The following ZNF93 variants were observed in gnomAD, a reference collection of about 807,000 sequenced individuals.
ZNF93 encodes zinc finger protein 93.
A neutral mutation model predicts 45.0 loss-of-function variants in ZNF93; 29 were observed. The ratio of observed to expected loss-of-function variants is 0.64; its 90% CI spans 0.48 to 0.88. ZNF93 has a LOEUF of 0.88. Among genes scored for constraint, ZNF93 ranks in the 40% least tolerant of loss-of-function variants. The probability of loss-of-function intolerance (pLI) is 0.00; values close to 1 mark genes in which losing one functional copy is unlikely to be tolerated. For synonymous variants in ZNF93, 223 were observed against 244.6 expected (o/e 0.91, Z 0.82); for missense variants, 578 against 724.0 (o/e 0.80, Z 2.31).
At chr19:19,926,772 A>C (rs2063357416) in intron 3 of ZNF93, among the ~76,000 whole-genome samples, 1 of 152,180 alleles carries the variant, frequency 6.6e-6, no homozygotes, top group Non-Finnish European at 1.5e-5. Flanking sequence ...TTAATTAAGA[A>C]ATAAATTATG....
At chr19:19,904,272 A>G (rs1342561343) in intron 1 of ZNF93, among the ~76,000 whole-genome samples, 1 of 152,114 alleles carries the variant, frequency 6.6e-6, no homozygotes, top group East Asian at 1.9e-4. Flanking sequence ...TATTAATCAC[A>G]AATATTTTCC....
rs572686695 is a variant in ZNF93 at position 19,929,095 on chromosome 19, A to G, written c.227-4087A>G. On this transcript the variant is annotated intron_variant, in intron 3 of 3. Transcript: ENST00000343769. Reference sequence around the variant, plus strand: ...CATCCTCTCGGTAACCAAAAAGTTTACACTGTATCAATTCAAATAAGAGCT... The same window carrying G: ...CATCCTCTCGGTAACCAAAAAGTTTGCACTGTATCAATTCAAATAAGAGCT... Among the ~76,000 whole-genome samples the G allele has an allele frequency of 3.4e-3, 516 of 152,300 alleles. 2 individuals are homozygous for G. Among genetic ancestry groups the G allele is most frequent in the Non-Finnish European group, 4.4e-3 (302 of 68,024 alleles).
chr19:19,918,024 A>G (rs1435248137), intron 3 of ZNF93, among the ~76,000 whole-genome samples: 1 of 151,208 alleles, frequency 6.6e-6, no homozygotes, highest in African/African-American at 2.4e-5. Context: ...ACATGTATAC[A>G]TGTGCCATGT....
intron 1 of ZNF93, among the ~76,000 whole-genome samples, chr19:19,913,536 A>G (rs1198354061): frequency 6.6e-6 from 1 of 152,182 alleles, no homozygotes; most frequent in African/African-American, 2.4e-5. Context: ...AGTGTGGTGC[A>G]TATTTCCATT....
intron 1 of ZNF93, among the ~76,000 whole-genome samples, chr19:19,912,479 G>GAA (rs35562337): frequency 6.7e-6 from 1 of 149,400 alleles, no homozygotes; most frequent in African/African-American, 2.5e-5. Flanking sequence ...GATAAATCGG[G>GAA]AAAAAAAGTA....
chr19:19,923,121 G>T (rs1184532946), intron 3 of ZNF93, among the ~76,000 whole-genome samples: 6 of 152,138 alleles, frequency 3.9e-5, no homozygotes, highest in Admixed American at 3.3e-4. Flanking sequence ...TGGTGTGGAT[G>T]TCCTTTCTGT....
intron 3 of ZNF93, chr19:19,932,545 T>C (rs537811536): frequency 6.6e-6 from 1 of 152,320 alleles, no homozygotes; most frequent in Non-Finnish European, 1.5e-5. Context: ...GAAAACTGAG[T>C]GATAATTCCT....
chr19:19,905,751 C>T (rs1013959153), intron 1 of ZNF93, among the ~76,000 whole-genome samples: 1 of 152,046 alleles, frequency 6.6e-6, no homozygotes, highest in Admixed American at 6.6e-5. Context: ...CATTACCACA[C>T]CTGGCCAATT....
intron 1 of ZNF93, among the ~76,000 whole-genome samples, chr19:19,907,161 T>A (rs1309933867): frequency 6.6e-6 from 1 of 152,082 alleles, no homozygotes; most frequent in Non-Finnish European, 1.5e-5. Context: ...GTACTTCAGA[T>A]TTATTGCTTT....
chr19:19,907,361 TAATTATC>T (rs1355653486), intron 1 of ZNF93, among the ~76,000 whole-genome samples: 1 of 152,174 alleles, frequency 6.6e-6, no homozygotes, highest in Non-Finnish European at 1.5e-5. Context: ...TTATTCAAGT[TAATTATC>T]AAATATTTGC....
chr19:19,925,906 T>C (rs1444381692), intron 3 of ZNF93, among the ~76,000 whole-genome samples: 2 of 152,116 alleles, frequency 1.3e-5, no homozygotes, highest in Non-Finnish European at 2.9e-5. Flanking sequence ...AAAACAAAAG[T>C]AACTCTAGGT....
intron 3 of ZNF93, among the ~76,000 whole-genome samples, 169 bp downstream of exon 3, chr19:19,916,824 G>T (rs1463383059): frequency 6.6e-6 from 1 of 152,068 alleles, no homozygotes; most frequent in East Asian, 1.9e-4. Flanking sequence ...TTCTCACAAA[G>T]GGACATCTTC....
At chr19:19,931,762 C>T (rs1486496233) in intron 3 of ZNF93, among the ~76,000 whole-genome samples, 2 of 151,974 alleles carry the variant, frequency 1.3e-5, no homozygotes, top group Non-Finnish European at 2.9e-5. Context: ...TTTCTCATTT[C>T]CTGTTTTACT....
At chr19:19,905,004 C>G (rs1427721690) in intron 1 of ZNF93, among the ~76,000 whole-genome samples, 1 of 152,168 alleles carries the variant, frequency 6.6e-6, no homozygotes, top group East Asian at 1.9e-4. Flanking sequence ...CTACAAGTCT[C>G]CTGGCATATC....
Position 19,918,661 on chromosome 19 carries a change from G to T in ZNF93, c.226+2006G>T, listed in dbSNP as rs2063332331. On this transcript the variant is annotated intron_variant, in intron 3 of 3. Transcript: ENST00000343769. ...TCGCCATTCTAACTGGAGTGAGATGGTATCTCATTGTGGTTTTGATTTGCA... is the reference window on the plus strand; with the variant it reads ...TCGCCATTCTAACTGGAGTGAGATGTTATCTCATTGTGGTTTTGATTTGCA... Among the ~76,000 whole-genome samples, 3 of 152,132 alleles carry T rather than the reference G, an allele frequency of 2.0e-5. No individual in the cohort carries two copies. The South Asian group carries it at 6.2e-4, about 32-fold the overall frequency.
chr19:19,916,772 T>A (rs1445758914), intron 3 of ZNF93, 117 bp downstream of exon 3: 4 of 701,478 alleles, frequency 5.7e-6, no homozygotes, highest in Non-Finnish European at 9.1e-6. Flanking sequence ...AAATAGTTCC[T>A]GGGCAGCTGT....
intron 1 of ZNF93, among the ~76,000 whole-genome samples, chr19:19,906,541 A>G (rs1320320835): frequency 6.6e-6 from 1 of 151,998 alleles, no homozygotes. Context: ...AATAGGTCCC[A>G]TTTGTCAATT....
intron 3 of ZNF93, among the ~76,000 whole-genome samples, chr19:19,931,297 C>G (rs1310719543): frequency 6.6e-6 from 1 of 151,760 alleles, no homozygotes; most frequent in Non-Finnish European, 1.5e-5. Context: ...TCAAGTGATT[C>G]TCCTGCCTCA....
intron 3 of ZNF93, among the ~76,000 whole-genome samples, chr19:19,924,007 C>T (rs559979387): frequency 6.6e-6 from 1 of 152,304 alleles, no homozygotes; most frequent in East Asian, 1.9e-4. Flanking sequence ...TTCTGTGTTG[C>T]TCACACTGGG....
Sources: allele counts gnomAD v4.1 joint callset (sites outside exome capture counted in the v4.1 genomes callset), GRCh38; gene constraint gnomAD v4.1.1; transcripts MANE v1.5; gene names NCBI Gene and HGNC (gene_info 2026-07-23, HGNC 2026-07-21).